The following ITGB5 variants were observed in gnomAD, a reference collection of about 807,000 sequenced individuals.
ITGB5 encodes the protein integrin subunit beta 5.
ITGB5 carries 38 observed loss-of-function variants against 84.8 expected under a neutral mutation model. The observed-to-expected ratio is 0.45, with a 90% confidence interval of 0.35 to 0.59. The LOEUF is 0.59. ITGB5 is among the 20% of genes least tolerant of loss of function. ITGB5 has a pLI of 0.01. For synonymous variants in ITGB5, 393 were observed against 414.4 expected, an observed-to-expected ratio of 0.95 and a Z score of 0.63; for missense variants, 905 against 1,034.5, an observed-to-expected ratio of 0.87 and a Z score of 1.72.
intron 2 of ITGB5, among the ~76,000 whole-genome samples, chr3:124,869,543 C>A (rs967619487): frequency 3.9e-5 from 6 of 152,150 alleles, no homozygotes; most frequent in African/African-American, 1.4e-4. Context: ...TCACTGCACT[C>A]CAGCCTGGAT....
intron 2 of ITGB5, chr3:124,862,420 C>G (rs2065317571): frequency 6.6e-6 from 1 of 152,222 alleles, no homozygotes; most frequent in South Asian, 2.1e-4. Context: ...GATGATCCCC[C>G]CCACTGCTGG....
rs1177379066 is a variant in ITGB5, at chr3:124,809,158, TGAATG to T, written c.1129-7_1129-3del. ...CAACTCCACTTTAGACCGGATACTC[TGAATG>T]GAGAGAGAAAATGAAGCCCAACCAT... On this transcript the variant is annotated splice_region_variant and splice_polypyrimidine_tract_variant and intron_variant, in intron 8 of 14. Transcript: ENST00000296181. 2 of 1,613,804 alleles carry T rather than the reference TGAATG, an allele frequency of 1.2e-6. No homozygotes were observed. Among genetic ancestry groups the T allele is most frequent in the African/African-American group, 2.7e-5 (2 of 74,922 alleles).
chr3:124,773,936 C>G (rs756528077), intron 10 of ITGB5, 24 bp from the exon 11 acceptor site: 18 of 1,604,030 alleles, frequency 1.1e-5, no homozygotes, highest in Non-Finnish European at 1.5e-5. Context: ...TGTGGCACAT[C>G]AGCACCTGCT....
At position 124,821,212 on chromosome 3, in the gene ITGB5, T is replaced by C. The variant is rs1349897477; in HGVS notation, c.942+101A>G. The C allele has an allele frequency of 3.0e-6, 4 of 1,321,040 alleles. No homozygotes were observed. In the African/African-American group the frequency reaches 5.8e-5, roughly 19 times the overall value. The allele number at this position is 1,321,040 out of a possible 1,614,324, so 81.8% of individuals were successfully genotyped here. A position where few individuals can be genotyped will look rare whatever the true frequency, so the allele number is the denominator to read the frequency against. On this transcript the variant is annotated intron_variant, in intron 6 of 14. Transcript: ENST00000296181. Reference sequence around the variant, plus strand: ...AAGGGATCAGAAAGCCAGTGAATACTGAGGGCCAGAGGAAGGTTTCAAGGC... The same window carrying C: ...AAGGGATCAGAAAGCCAGTGAATACCGAGGGCCAGAGGAAGGTTTCAAGGC...
At chr3:124,855,324 T>A (rs537409381) in intron 3 of ITGB5, among the ~76,000 whole-genome samples, 1 of 151,876 alleles carries the variant, frequency 6.6e-6, no homozygotes, top group African/African-American at 2.4e-5. Context: ...TATATATAGA[T>A]AGATATATGA....
At position 124,894,138 on chromosome 3, in the gene ITGB5, T is replaced by C. The variant is rs576657770; in HGVS notation, c.-255+7128A>G. ...AGTAAAAGTTGTGATATTTTTCTTT[T>C]TTTTTTTTTTTTTTGAGACAGAGTC... On this transcript the variant is annotated intron_variant, in intron 1 of 4. Coordinates refer to the ITGB5 transcript ENST00000608657. 1.3e-3 allele frequency among the ~76,000 whole-genome samples: 156 copies of C among 124,760 alleles called. 4 individuals carry two copies. Among genetic ancestry groups the C allele is most frequent in the African/African-American group, 4.7e-3 (150 of 31,720 alleles). 81.8% of individuals were successfully genotyped at this position (124,760 alleles called of 152,430 possible). A position where few individuals can be genotyped will look rare whatever the true frequency, so the allele number is the denominator to read the frequency against.
intron 5 of ITGB5, among the ~76,000 whole-genome samples, chr3:124,824,360 T>C (rs2064752482): frequency 6.6e-6 from 1 of 152,210 alleles, no homozygotes. Context: ...TCAACCCATA[T>C]GTCTCATCAC....
chr3:124,796,302 CACT>C, intron 10 of ITGB5, 83 bp downstream of exon 10: 2 of 1,234,234 alleles, frequency 1.6e-6, no homozygotes, highest in African/African-American at 3.0e-5. Flanking sequence ...TTTCTACCAC[CACT>C]GAGTAAAAGG....
In ITGB5 at chr3:124,841,427, G is replaced by A; in HGVS notation, c.736C>T (p.Pro246Ser). The change falls in exon 5 of 15, where the codon CCT (proline) becomes TCT (serine). Residue 246 changes from proline to serine, a missense_variant. Physicochemically the swap from Pro to Ser is moderately conservative, Grantham distance 74. Around this residue, in one of 3 missense-constraint regions of ITGB5, gnomAD observed 656 missense variants for 734.7 expected, o/e 0.89. Transcript: ENST00000296181. Reference sequence around the variant, plus strand: ...AGTACTGCATCAAAGCCCCCCTCAGGGGCATCTCGGTTCCGGGACACCCTC... The same window carrying A: ...AGTACTGCATCAAAGCCCCCCTCAGAGGCATCTCGGTTCCGGGACACCCTC... ...KQRVSRNRDA[P>S]EGGFDAVLQA... 1 of 1,614,066 alleles carries A rather than the reference G, an allele frequency of 6.2e-7. No homozygotes were observed. Among genetic ancestry groups the A allele is most frequent in the East Asian group, 2.2e-5 (1 of 44,884 alleles).
At chr3:124,828,966 T>C (rs1370886674) in intron 5 of ITGB5, among the ~76,000 whole-genome samples, 1 of 152,200 alleles carries the variant, frequency 6.6e-6, no homozygotes, top group Non-Finnish European at 1.5e-5. Flanking sequence ...ATAGTATTGA[T>C]AAAATAGGGT....
rs200975627 is a variant in ITGB5, at chr3:124,763,729, C to T, written c.2305-11G>A. On this transcript the variant is annotated splice_polypyrimidine_tract_variant and intron_variant, in intron 14 of 14. Coordinates refer to ENST00000296181, the MANE Select transcript of ITGB5 (RefSeq NM_002213.5). ...TAATGGATTTGAAGCCTACAGAACACGGCGGGGAAGAGGATGAGGACACAT... is the reference window on the plus strand; with the variant it reads ...TAATGGATTTGAAGCCTACAGAACATGGCGGGGAAGAGGATGAGGACACAT... 3.0e-4 allele frequency: 462 copies of T among 1,528,004 alleles called. 1 individual carries two copies. The African/African-American group carries it at 4.8e-3, about 16-fold the overall frequency. The allele number at this position is 1,528,004 out of a possible 1,614,324, so 94.7% of individuals were successfully genotyped here.
Position 124,819,801 on chromosome 3 carries a change from A to G in ITGB5, c.976T>C (p.Leu326=), listed in dbSNP as rs1035472983. 5.6e-6 allele frequency: 9 copies of G among 1,614,034 alleles called. No individual in the cohort carries two copies. The highest frequency in any genetic ancestry group is 7.6e-6 in the Non-Finnish European group (9 of 1,179,942). Residue 326 remains leucine, a synonymous_variant, in exon 7 of 15, where the codon TTG becomes CTG. Coordinates refer to ENST00000296181, the MANE Select transcript of ITGB5 (RefSeq NM_002213.5). ...YPSLALLGEK[L]AENNINLIFA... ...ATGAGGTTGATGTTGTTCTCTGCCA[A>G]TTTCTCTCCAAGCAAGGCAAGGGAT...
chr3:124,884,491 G>A (rs1233388913), intron 1 of ITGB5, among the ~76,000 whole-genome samples: 6 of 152,056 alleles, frequency 3.9e-5, no homozygotes, highest in Non-Finnish European at 5.9e-5. Flanking sequence ...ACCTGAGGTT[G>A]GGAGTTAGAG....
chr3:124,818,928 G>C (rs985000212), intron 7 of ITGB5, among the ~76,000 whole-genome samples: 8 of 152,162 alleles, frequency 5.3e-5, no homozygotes, highest in African/African-American at 1.9e-4. Flanking sequence ...GGAGGGTGGA[G>C]AGGGATTCCA....
chr3:124,886,472 C>T (rs1469295783), intron 1 of ITGB5, among the ~76,000 whole-genome samples: 1 of 152,146 alleles, frequency 6.6e-6, no homozygotes, highest in East Asian at 1.9e-4. Context: ...GTGGAGGTGG[C>T]CCCGGGCTTT....
chr3:124,779,052 G>A (rs1352672047), intron 10 of ITGB5, among the ~76,000 whole-genome samples: 2 of 152,218 alleles, frequency 1.3e-5, no homozygotes, highest in African/African-American at 4.8e-5. Context: ...AATGCTGTCA[G>A]AAACATCAGT....
chr3:124,798,054 G>GTTTTTTTTTTTTT (rs1559938870), intron 9 of ITGB5, among the ~76,000 whole-genome samples: 8 of 85,044 alleles, frequency 9.4e-5, no homozygotes, highest in South Asian at 5.1e-4. Flanking sequence ...CTAGAATAAA[G>GTTTTTTTTTTTTT]CTTTTTTTTT....
intron 13 of ITGB5, among the ~76,000 whole-genome samples, chr3:124,765,933 C>A (rs895040719): frequency 3.3e-5 from 5 of 151,960 alleles, no homozygotes; most frequent in Non-Finnish European, 7.4e-5. Flanking sequence ...GTGGTGCATG[C>A]CTGTAGTGCC....
chr3:124,766,292 C>G lies in ITGB5; in HGVS notation c.2071G>C (p.Val691Leu), dbSNP rs762359769. 2 of 1,614,120 alleles carry G rather than the reference C, an allele frequency of 1.2e-6. No individual in the cohort carries two copies. The highest frequency in any genetic ancestry group is 1.7e-6 in the Non-Finnish European group (2 of 1,180,008). Residue 691 changes from valine to leucine, a missense_variant, in exon 13 of 15, where the codon GTC becomes CTC. Transcript: ENST00000296181. ...LCFYKTAKDCVMMFTYVELPS... is the reference protein window; with the variant it reads ...LCFYKTAKDCLMMFTYVELPS... ...AGCTCCACATAGGTGAACATCATGACGCAGTCCTTGGCGGTTTTGTAGAAA... is the reference window on the plus strand; with the variant it reads ...AGCTCCACATAGGTGAACATCATGAGGCAGTCCTTGGCGGTTTTGTAGAAA...
Sources: gnomAD v4.1 joint callset for allele counts (sites outside exome capture counted in the v4.1 genomes callset) on GRCh38, gnomAD v4.1.1 for gene constraint, gnomAD v4.1.1 regional missense constraint, MANE v1.5 for transcripts, NCBI Gene and HGNC (gene_info 2026-07-23, HGNC 2026-07-21) for gene names.